CNTN4: variants seen among roughly 807,000 people sequenced by gnomAD.
CNTN4 encodes the protein contactin-4.
CNTN4 carries 77 observed loss-of-function variants against 122.5 expected under a neutral mutation model. The ratio of observed to expected loss-of-function variants is 0.63; its 90% CI spans 0.52 to 0.76. The LOEUF is 0.76. Ranked by LOEUF, CNTN4 falls within the 30% of genes least tolerant of loss-of-function variation. The pLI is 0.00. For missense variants in CNTN4, 1,256 were observed against 1,259.1 expected, an observed-to-expected ratio of 1.00 and a Z score of 0.04; for synonymous variants, 512 against 447.0, an observed-to-expected ratio of 1.15 and a Z score of -1.83.
At chr3:2,777,636 G>T (rs994305709) in intron 6 of CNTN4, among the ~76,000 whole-genome samples, 1 of 152,138 alleles carries the variant, frequency 6.6e-6, no homozygotes, top group Non-Finnish European at 1.5e-5. Context: ...CACACAGCAT[G>T]TAACAAGAAA....
chr3:2,937,612 G>C (rs1370921321), intron 13 of CNTN4, among the ~76,000 whole-genome samples: 1 of 152,152 alleles, frequency 6.6e-6, no homozygotes, highest in Non-Finnish European at 1.5e-5. Context: ...CACAGGACTT[G>C]GTTTCTAGAG....
chr3:2,327,509 T>C (rs2043512915), intron 2 of CNTN4, among the ~76,000 whole-genome samples: 1 of 152,202 alleles, frequency 6.6e-6, no homozygotes, highest in Non-Finnish European at 1.5e-5. Flanking sequence ...CATCTCTCCC[T>C]CTTTAGGAAA....
rs1448248693 is a variant in CNTN4 at position 2,854,270 on chromosome 3, T to TC, written c.455-12482_455-12481insC. On this transcript the variant is annotated intron_variant, in intron 7 of 24. Coordinates refer to ENST00000418658, the MANE Select transcript of CNTN4 (RefSeq NM_175607.3). ...GCATTTTATTTTTCTTTCTTCTTCT[T>TC]TTTTTTTTTTTTTTTTTTTGAGACA... 4.3e-5 allele frequency among the ~76,000 whole-genome samples: 6 copies of TC among 138,502 alleles called. No homozygotes were observed. The South Asian group carries it at 9.7e-4, about 22-fold the overall frequency. The allele number at this position is 138,502 out of a possible 152,430, so 90.9% of individuals were successfully genotyped here.
At chr3:2,691,744 CACTA>C (rs951839963) in intron 4 of CNTN4, among the ~76,000 whole-genome samples, 6 of 152,158 alleles carry the variant, frequency 3.9e-5, no homozygotes, top group African/African-American at 1.4e-4. Context: ...CAAATTGTCT[CACTA>C]ACAAAAGAGG....
At chr3:2,442,078 C>T (rs1180357441) in intron 3 of CNTN4, among the ~76,000 whole-genome samples, 1 of 151,980 alleles carries the variant, frequency 6.6e-6, no homozygotes, top group Non-Finnish European at 1.5e-5. Context: ...GGATATGAAA[C>T]AAAATTGATT....
intron 14 of CNTN4, among the ~76,000 whole-genome samples, chr3:2,993,451 C>G (rs565836267): frequency 2.0e-5 from 3 of 151,832 alleles, no homozygotes; most frequent in African/African-American, 7.2e-5. Context: ...GCAGATGCCA[C>G]GACGCCCAGC....
intron 4 of CNTN4, among the ~76,000 whole-genome samples, chr3:2,642,147 G>T (rs1373178825): frequency 6.6e-6 from 1 of 152,174 alleles, no homozygotes; most frequent in African/African-American, 2.4e-5. Context: ...CTCAAAAGTA[G>T]GGAAGCCGAC....
chr3:2,423,590 A>T (rs1022538737), intron 3 of CNTN4, among the ~76,000 whole-genome samples: 1 of 151,934 alleles, frequency 6.6e-6, no homozygotes, highest in African/African-American at 2.4e-5. Context: ...AAGAGAAAAG[A>T]TGTTGATGAA....
intron 3 of CNTN4, among the ~76,000 whole-genome samples, chr3:2,396,043 A>T (rs1054418884): frequency 2.1e-5 from 3 of 140,368 alleles, no homozygotes; most frequent in East Asian, 2.1e-4. Context: ...TGTTGTTGTT[A>T]TTTTTTTTTT....
At chr3:2,948,870 G>T (rs753565706) in intron 13 of CNTN4, among the ~76,000 whole-genome samples, 6 of 152,100 alleles carry the variant, frequency 3.9e-5, no homozygotes, top group Non-Finnish European at 8.8e-5. Flanking sequence ...TTGATAAGGG[G>T]TTATGTATTA....
At chr3:2,272,222 A>G (rs571296527) in intron 2 of CNTN4, among the ~76,000 whole-genome samples, 59 of 152,268 alleles carry the variant, frequency 3.9e-4, no homozygotes, top group African/African-American at 1.4e-3. Flanking sequence ...ATTACAAGCA[A>G]AATAGAAAAT....
At chr3:2,934,223 G>A (rs1002391818) in intron 13 of CNTN4, among the ~76,000 whole-genome samples, 4 of 152,198 alleles carry the variant, frequency 2.6e-5, no homozygotes, top group Admixed American at 1.3e-4. Flanking sequence ...TTGCCAAACC[G>A]AAATACATGT....
intron 4 of CNTN4, among the ~76,000 whole-genome samples, chr3:2,615,994 T>C (rs2081709481): frequency 6.6e-6 from 1 of 151,038 alleles, no homozygotes; most frequent in East Asian, 1.9e-4. Context: ...TTTGGCAAAA[T>C]TAAGAATACT....
chr3:2,233,996 T>C (rs1047344476), intron 2 of CNTN4, among the ~76,000 whole-genome samples: 5 of 152,142 alleles, frequency 3.3e-5, no homozygotes, highest in African/African-American at 1.2e-4. Flanking sequence ...ATTCCAGCAA[T>C]GCCATATAAT....
chr3:2,387,328 G>A (rs2046289622), intron 3 of CNTN4, among the ~76,000 whole-genome samples: 1 of 152,084 alleles, frequency 6.6e-6, no homozygotes, highest in Non-Finnish European at 1.5e-5. Flanking sequence ...TTAACCTGAT[G>A]AGTTAGTTTT....
intron 2 of CNTN4, among the ~76,000 whole-genome samples, chr3:2,118,198 C>G (rs1253947598): frequency 6.6e-6 from 1 of 152,122 alleles, no homozygotes; most frequent in Non-Finnish European, 1.5e-5. Flanking sequence ...AATGAGAAAA[C>G]TGAGAATCAG....
chr3:2,508,313 A>G (rs1334004352), intron 3 of CNTN4, among the ~76,000 whole-genome samples: 1 of 152,206 alleles, frequency 6.6e-6, no homozygotes, highest in African/African-American at 2.4e-5. Context: ...GAAATGTCAC[A>G]GTTGTCTCAG....
At chr3:2,120,083 G>A (rs1028949744) in intron 2 of CNTN4, among the ~76,000 whole-genome samples, 1 of 151,738 alleles carries the variant, frequency 6.6e-6, no homozygotes, top group Non-Finnish European at 1.5e-5. Flanking sequence ...AGGGGCAGTA[G>A]GTAAGTAAGA....
intron 3 of CNTN4, among the ~76,000 whole-genome samples, chr3:2,562,774 A>C (rs780055146): frequency 6.6e-6 from 1 of 151,362 alleles, no homozygotes; most frequent in Non-Finnish European, 1.5e-5. Context: ...CCCATGCTGG[A>C]GTGCAGTGGC....
Sources: allele counts gnomAD v4.1 joint callset (sites outside exome capture counted in the v4.1 genomes callset), GRCh38; gene constraint gnomAD v4.1.1; transcripts MANE v1.5; gene names NCBI Gene and HGNC (gene_info 2026-07-23, HGNC 2026-07-21).